FUT8: variants seen among roughly 807,000 people sequenced by gnomAD.
FUT8 encodes fucosyltransferase 8, also known as alpha-(1,6)-fucosyltransferase.
FUT8 carries 29 observed loss-of-function variants against 71.3 expected under a neutral mutation model. The observed-to-expected ratio is 0.41, with a 90% CI of 0.30 to 0.55. The LOEUF is 0.55. Among genes scored for constraint, FUT8 ranks in the 20% least tolerant of loss-of-function variants. The probability of loss-of-function intolerance (pLI) is 0.34; values close to 1 mark genes in which losing one functional copy is unlikely to be tolerated. For missense variants in FUT8, 544 were observed against 702.1 expected (o/e 0.77, Z 2.55); for synonymous variants, 254 against 239.3 (o/e 1.06, Z -0.57).
intron 1 of FUT8, among the ~76,000 whole-genome samples, chr14:65,443,770 A>G (rs1198300593): frequency 6.6e-6 from 1 of 151,962 alleles, no homozygotes; most frequent in Non-Finnish European, 1.5e-5. Context: ...AAAAATCATG[A>G]GTAATATAAA....
chr14:65,376,723 A>G, the FUT8 span, among the ~76,000 whole-genome samples: 6 of 152,186 alleles, frequency 3.9e-5, no homozygotes, highest in African/African-American at 1.2e-4. Flanking sequence ...ACAGTTATTA[A>G]AAGCACTGAT....
In FUT8 at chr14:65,474,441, G is replaced by GAAAAAAAAAAAAAAAAA. The variant is rs398025445; in HGVS notation, c.-228+18739_-228+18740insAAAAAAAAAAAAAAAAA. Among the ~76,000 whole-genome samples the GAAAAAAAAAAAAAAAAA allele has an allele frequency of 1.6e-3, 64 of 39,678 alleles. 11 individuals are homozygous for GAAAAAAAAAAAAAAAAA. The highest frequency in any genetic ancestry group is 3.4e-3 in the East Asian group (2 of 586). 26.0% of individuals were successfully genotyped at this position (39,678 alleles called of 152,430 possible). A position where few individuals can be genotyped will look rare whatever the true frequency, so the allele number is the denominator to read the frequency against. ...AACATGGTGAAAACCTGTCTCTACT[G>GAAAAAAAAAAAAAAAAA]AAAAAAAAAAAAAAAAGCCAGGCGT... is the stretch of plus-strand genomic sequence containing the variant. On this transcript the variant is annotated intron_variant, in intron 2 of 10. Transcript: ENST00000673929.
Position 65,561,380 on chromosome 14 carries a change from A to G in FUT8, c.-184A>G. 3.3e-6 allele frequency: 2 copies of G among 611,496 alleles called. No individual in the cohort carries two copies. The highest frequency in any genetic ancestry group is 2.9e-6 in the Non-Finnish European group (1 of 343,738). The allele number at this position is 611,496 out of a possible 1,614,324, so 37.9% of individuals were successfully genotyped here. ...TACAGGACAATAAAGCTTCCTACAC[A>G]TATCACCAGGAGGATCTCTTTGAAA... On this transcript the variant is annotated 5_prime_UTR_variant, in exon 3 of 11. Coordinates refer to ENST00000673929, the MANE Select transcript of FUT8 (RefSeq NM_001371533.1).
rs565191103 is a variant in FUT8, at chr14:65,701,009, G to A, written c.836-20766G>A. The stretch of plus-strand genomic sequence containing the variant: ...TGAATTAACTTTAAAATCATTTTGC[G>A]TCCCCTCTAAAAGTTCTTTCTCTAA... On this transcript the variant is annotated intron_variant, in intron 7 of 10. Coordinates refer to ENST00000673929, the MANE Select transcript of FUT8 (RefSeq NM_001371533.1). Among the ~76,000 whole-genome samples, 51 of 152,198 alleles carry A rather than the reference G, an allele frequency of 3.4e-4. 1 individual carries two copies. In the South Asian group the frequency reaches 4.6e-3, roughly 14 times the overall value.
intron 5 of FUT8, among the ~76,000 whole-genome samples, chr14:65,618,153 C>T (rs1279573787): frequency 6.7e-6 from 1 of 150,368 alleles, no homozygotes; most frequent in Non-Finnish European, 1.5e-5. Context: ...CCTCCCTCGT[C>T]AGCCTCCTGT....
chr14:65,584,988 A>G (rs1887298152), intron 3 of FUT8, among the ~76,000 whole-genome samples: 1 of 151,966 alleles, frequency 6.6e-6, no homozygotes, highest in Admixed American at 6.6e-5. Flanking sequence ...ACCTATAATT[A>G]TTTTAACAGA....
the FUT8 span, among the ~76,000 whole-genome samples, chr14:65,369,636 A>G: frequency 3.9e-4 from 59 of 152,350 alleles, no homozygotes; most frequent in African/African-American, 1.4e-3. The surrounding 1 kb of genome is among the most constrained non-coding windows in gnomAD (Gnocchi z 4.6). Flanking sequence ...TACACTAATT[A>G]TAATGCATTA....
chr14:65,689,435 T>G (rs1201669328), intron 7 of FUT8, among the ~76,000 whole-genome samples: 1 of 152,220 alleles, frequency 6.6e-6, no homozygotes, highest in Non-Finnish European at 1.5e-5. Context: ...GAGTTCTATT[T>G]ATATATAAAG....
At chr14:65,531,156 A>C (rs1456098393) in intron 2 of FUT8, among the ~76,000 whole-genome samples, 1 of 151,874 alleles carries the variant, frequency 6.6e-6, no homozygotes, top group African/African-American at 2.4e-5. Context: ...CTCATTAAAT[A>C]TGACATTAAA....
chr14:65,492,918 C>T (rs1400083524), intron 2 of FUT8, among the ~76,000 whole-genome samples: 1 of 152,040 alleles, frequency 6.6e-6, no homozygotes, highest in Non-Finnish European at 1.5e-5. Flanking sequence ...TCTCCCTCCC[C>T]ACCTGCTTCC....
chr14:65,459,180 G>A (rs1046616172), intron 2 of FUT8, among the ~76,000 whole-genome samples: 3 of 152,086 alleles, frequency 2.0e-5, no homozygotes, highest in Admixed American at 2.0e-4. Flanking sequence ...TGTTCAACGG[G>A]CAAATACAAC....
At position 65,643,551 on chromosome 14, in the gene FUT8, G is replaced by A. The variant is rs539714582; in HGVS notation, c.597+13945G>A. On this transcript the variant is annotated intron_variant, in intron 6 of 10. Coordinates refer to ENST00000673929, the MANE Select transcript of FUT8 (RefSeq NM_001371533.1). This position sits in a 1 kb window ranked among gnomAD's most constrained non-coding sequence, Gnocchi z 4.5. ...CACCTGTAGTCTCAGCTACTCAGGA[G>A]GCTGAGGCAGGAGAATGGCGTGAAC... is the stretch of plus-strand genomic sequence containing the variant. Among the ~76,000 whole-genome samples the A allele has an allele frequency of 2.0e-5, 3 of 152,202 alleles. No individual in the cohort carries two copies. The East Asian group carries it at 5.8e-4, about 29-fold the overall frequency.
the FUT8 span, among the ~76,000 whole-genome samples, chr14:65,362,398 A>C: frequency 6.6e-6 from 1 of 152,180 alleles, no homozygotes; most frequent in Non-Finnish European, 1.5e-5. Context: ...AGATTGCTTT[A>C]GAAGCTGGGT....
At chr14:65,703,425 CA>C (rs1334561759) in intron 7 of FUT8, among the ~76,000 whole-genome samples, 8 of 152,182 alleles carry the variant, frequency 5.3e-5, no homozygotes, top group Non-Finnish European at 1.5e-5. Context: ...AAAATATAGC[CA>C]TTTTTTTGAG....
the FUT8 span, among the ~76,000 whole-genome samples, chr14:65,398,645 A>T: frequency 3.9e-5 from 6 of 152,138 alleles, no homozygotes; most frequent in African/African-American, 1.4e-4. Context: ...CTGAGGCAGG[A>T]GAATTGCTTG....
chr14:65,462,528 C>G (rs2065982965), intron 2 of FUT8, among the ~76,000 whole-genome samples: 1 of 152,174 alleles, frequency 6.6e-6, no homozygotes, highest in Non-Finnish European at 1.5e-5. Flanking sequence ...TAGAAAAATT[C>G]TTACTAGAGA....
intron 7 of FUT8, among the ~76,000 whole-genome samples, chr14:65,672,519 G>A (rs1192679199): frequency 6.6e-6 from 1 of 152,140 alleles, no homozygotes; most frequent in Non-Finnish European, 1.5e-5. Flanking sequence ...GAGTGCGGGG[G>A]CATGATCCTA....
At chr14:65,486,347 C>CT (rs1322704845) in intron 2 of FUT8, among the ~76,000 whole-genome samples, 1 of 152,148 alleles carries the variant, frequency 6.6e-6, no homozygotes, top group African/African-American at 2.4e-5. Flanking sequence ...CAGAAAAATA[C>CT]TTAGAAATGT....
At chr14:65,561,293 A>G in intron 2 of FUT8, 44 bp from the exon 3 acceptor site, 1 of 374,010 alleles carries the variant, frequency 2.7e-6, no homozygotes, top group Non-Finnish European at 4.9e-6. Context: ...ATGCTATTTT[A>G]TATACCTTAA....
Sources: gnomAD v4.1 joint callset for allele counts (sites outside exome capture counted in the v4.1 genomes callset) on GRCh38, gnomAD v4.1.1 for gene constraint, Gnocchi (gnomAD v3.1) non-coding constraint, MANE v1.5 for transcripts, NCBI Gene and HGNC (gene_info 2026-07-23, HGNC 2026-07-21) for gene names.